Variants in NATD1 observed in about 807,000 individuals in gnomAD.
NATD1 encodes N-acetyltransferase domain containing 1, also known as protein NATD1.
In NATD1, 9 loss-of-function variants were observed where a neutral mutation model predicts 12.0. The observed-to-expected ratio is 0.75, with a 90% CI of 0.45 to 1.30. The LOEUF (loss-of-function observed/expected upper bound fraction) is 1.30, where lower values mean the gene tolerates loss of function less well. Ranked by LOEUF, NATD1 falls within the 50% of genes most tolerant of loss-of-function variation. The pLI is 0.00. For missense variants in NATD1, 148 were observed against 148.5 expected (o/e 1.00, Z 0.02); for synonymous variants, 71 against 65.9 (o/e 1.08, Z -0.37).
chr17:21,250,298 GCT>G (rs988558410), intron 1 of NATD1, among the ~76,000 whole-genome samples: 2 of 152,340 alleles, frequency 1.3e-5, no homozygotes, highest in East Asian at 1.9e-4. Flanking sequence ...CCCTGTTGCA[GCT>G]CTGTTTCTTG....
In NATD1 at chr17:21,253,246, CG is replaced by C; in HGVS notation, c.18del (p.Ala7ProfsTer80). The C allele has an allele frequency of 3.0e-6, 3 of 997,586 alleles. No individual in the cohort carries two copies. The highest frequency in any genetic ancestry group is 3.6e-6 in the Non-Finnish European group (3 of 839,406). The allele number at this position is 997,586 out of a possible 1,614,324, so 61.8% of individuals were successfully genotyped here. MAHSA[A>X]AVPLGALEQG... The stretch of plus-strand genomic sequence containing the variant: ...TGCTCCAGCGCGCCCAGCGGCACGG[CG>C]GCAGCCGAGTGCGCCATCTGCGCGC... On this transcript the variant is annotated frameshift_variant, in exon 1 of 3. Transcript: ENST00000611551. LOFTEE classifies it high-confidence loss of function.
Position 21,244,799 on chromosome 17 carries a change from CCACCAGGCCTGCCAAGCCTGGAGCT to C in NATD1, c.107-600_107-576del, listed in dbSNP as rs1278878864. Among the ~76,000 whole-genome samples, 4 of 152,214 alleles carry C rather than the reference CCACCAGGCCTGCCAAGCCTGGAGCT, an allele frequency of 2.6e-5. No homozygotes were observed. Among genetic ancestry groups the C allele is most frequent in the African/African-American group, 9.6e-5 (4 of 41,456 alleles). On this transcript the variant is annotated intron_variant, in intron 1 of 2. Coordinates refer to ENST00000611551, the MANE Select transcript of NATD1 (RefSeq NM_152914.3). The surrounding 1 kb of genome is among the most constrained non-coding windows in gnomAD (Gnocchi z 5.2). Reference sequence around the variant, plus strand: ...GCAGGAACAAACGGGTTTTCACACTCCACCAGGCCTGCCAAGCCTGGAGCTCACCAGTCCACCCCAAACTGCTGCT... The same window carrying C: ...GCAGGAACAAACGGGTTTTCACACTCCACCAGTCCACCCCAAACTGCTGCT...
chr17:21,249,045 G>T (rs1975352666), intron 1 of NATD1, among the ~76,000 whole-genome samples: 1 of 152,090 alleles, frequency 6.6e-6, no homozygotes, highest in East Asian at 1.9e-4. Flanking sequence ...TGAACCTCGG[G>T]ACCAAAGGGG....
chr17:21,243,332 A>T lies in NATD1; in HGVS notation c.323T>A (p.Leu108Gln). Residue 108 changes from leucine (L) to glutamine (Q), a missense_variant, in exon 3 of 3, where the codon CTG (leucine) becomes CAG (glutamine). Leu to Gln is a moderately radical substitution (Grantham distance 113). Transcript: ENST00000611551. Reference sequence around the variant, plus strand: ...CCAGGGTTACGGCTGCAGGCGCTCCAGGTACTGCGGCAGGGGGTTCTCCTT... The same window carrying T: ...CCAGGGTTACGGCTGCAGGCGCTCCTGGTACTGCGGCAGGGGGTTCTCCTT... ...YVKENPLPQY[L>Q]ERLQP 6.2e-7 allele frequency: 1 copy of T among 1,612,808 alleles called. No individual in the cohort carries two copies.
At chr17:21,251,870 GAAAATGGGCACAGTGGCC>G (rs1382500513) in intron 1 of NATD1, among the ~76,000 whole-genome samples, 2 of 152,146 alleles carry the variant, frequency 1.3e-5, no homozygotes, top group East Asian at 3.9e-4. Context: ...TTCCCTTCTT[GAAAATGGGCACAGTGGCC>G]CCTAAGGACC....
chr17:21,248,087 T>C (rs1181541896), intron 1 of NATD1, among the ~76,000 whole-genome samples: 3 of 151,882 alleles, frequency 2.0e-5, no homozygotes, highest in African/African-American at 7.3e-5. Flanking sequence ...AAGACCGAGT[T>C]TAAATGGACA....
rs1975239951 is a variant in NATD1 at position 21,239,168 on chromosome 17, C to G, written c.*4145G>C. 1 of 152,272 alleles carries G rather than the reference C, an allele frequency of 6.6e-6. No homozygotes were observed. The highest frequency in any genetic ancestry group is 1.5e-5 in the Non-Finnish European group (1 of 68,076). 9.4% of individuals were successfully genotyped at this position (152,272 alleles called of 1,614,324 possible). On this transcript the variant is annotated 3_prime_UTR_variant, in exon 3 of 3. Coordinates refer to ENST00000611551, the MANE Select transcript of NATD1 (RefSeq NM_152914.3). ...ATTCCTGCCTGCAACCCCAGCTTCACAGGCAATTCAGCCTTCTCCACACTG... is the reference window on the plus strand; with the variant it reads ...ATTCCTGCCTGCAACCCCAGCTTCAGAGGCAATTCAGCCTTCTCCACACTG...
At chr17:21,246,525 GA>G (rs71160130) in intron 1 of NATD1, among the ~76,000 whole-genome samples, 3,382 of 108,242 alleles carry the variant, frequency 0.031, 121 homozygotes, top group African/African-American at 0.1. Flanking sequence ...AAAAAAAAAA[GA>G]AAAAAAAAAA....
rs147750329 is a variant in NATD1 at position 21,241,900 on chromosome 17, C to T, written c.*1413G>A. On this transcript the variant is annotated 3_prime_UTR_variant, in exon 3 of 3. Transcript: ENST00000611551. ...GCAAGGAGGTGAGTGGGAAATGCAA[C>T]CACAGGCCAGCCAGCGCCCGTGCAT... 2.0e-5 allele frequency: 3 copies of T among 152,554 alleles called. No homozygotes were observed. Among genetic ancestry groups the T allele is most frequent in the African/African-American group, 7.2e-5 (3 of 41,382 alleles). 9.5% of individuals were successfully genotyped at this position (152,554 alleles called of 1,614,324 possible). A position where few individuals can be genotyped will look rare whatever the true frequency, so the allele number is the denominator to read the frequency against.
In NATD1 at chr17:21,243,078, C is replaced by A. The variant is rs1975291518; in HGVS notation, c.*235G>T. 8.1e-6 allele frequency: 4 copies of A among 490,920 alleles called. No homozygotes were observed. Among genetic ancestry groups the A allele is most frequent in the Non-Finnish European group, 1.5e-5 (4 of 269,526 alleles). The allele number at this position is 490,920 out of a possible 1,614,324, so 30.4% of individuals were successfully genotyped here. ...AGGCCTCCCACGAAGCCGCTGGTCT[C>A]TGCAGAGTGAGAGGTGCCGGGACTA... is the stretch of plus-strand genomic sequence containing the variant. On this transcript the variant is annotated 3_prime_UTR_variant, in exon 3 of 3. Transcript: ENST00000611551.
intron 1 of NATD1, among the ~76,000 whole-genome samples, chr17:21,251,526 G>C (rs1028175940): frequency 6.6e-5 from 10 of 152,312 alleles, no homozygotes; most frequent in African/African-American, 2.4e-4. Flanking sequence ...TGTAGGGTTG[G>C]TTGGGCCAAT....
intron 1 of NATD1, among the ~76,000 whole-genome samples, chr17:21,250,931 C>T (rs975162946): frequency 6.6e-6 from 1 of 152,184 alleles, no homozygotes; most frequent in Non-Finnish European, 1.5e-5. Context: ...TCCAGGCTTG[C>T]CTTACAGGTC....
At chr17:21,248,175 C>T (rs1055874011) in intron 1 of NATD1, among the ~76,000 whole-genome samples, 24 of 152,124 alleles carry the variant, frequency 1.6e-4, no homozygotes, top group African/African-American at 2.4e-5. Context: ...AGCATCTGGC[C>T]AGGACCTGAA....
intron 2 of NATD1, among the ~76,000 whole-genome samples, chr17:21,243,642 C>T (rs1051906415): frequency 6.6e-6 from 1 of 152,162 alleles, no homozygotes; most frequent in African/African-American, 2.4e-5. Context: ...TACAAGCCCC[C>T]TTGCCCCAGG....
rs143685607 is a variant in NATD1, at chr17:21,243,618, CAT to C, written c.226-191_226-190del. On this transcript the variant is annotated intron_variant, in intron 2 of 2. Transcript: ENST00000611551. ...TGGTCCGGTACACAAGGAAAAAACACATCACCTCTCCCCTACAAGCCCCCTTG... is the reference window on the plus strand; with the variant it reads ...TGGTCCGGTACACAAGGAAAAAACACCACCTCTCCCCTACAAGCCCCCTTG... Among the ~76,000 whole-genome samples the C allele has an allele frequency of 6.3e-3, 955 of 152,290 alleles. 12 individuals carry two copies. The highest frequency in any genetic ancestry group is 0.022 in the African/African-American group (913 of 41,566).
chr17:21,238,909 CG>C lies in NATD1; in HGVS notation c.*4403del, dbSNP rs1355708748. On this transcript the variant is annotated 3_prime_UTR_variant, in exon 3 of 3. Coordinates refer to ENST00000611551, the MANE Select transcript of NATD1 (RefSeq NM_152914.3). ...AAGAATCTCTTTAATATCTTGTAGC[CG>C]TAAGACTGATACAACTGAAAACATA... 1 of 152,018 alleles carries C rather than the reference CG, an allele frequency of 6.6e-6. No homozygotes were observed. The highest frequency in any genetic ancestry group is 2.4e-5 in the African/African-American group (1 of 41,370). 9.4% of individuals were successfully genotyped at this position (152,018 alleles called of 1,614,324 possible). A position where few individuals can be genotyped will look rare whatever the true frequency, so the allele number is the denominator to read the frequency against.
At chr17:21,251,126 C>T (rs1398228487) in intron 1 of NATD1, among the ~76,000 whole-genome samples, 1 of 152,070 alleles carries the variant, frequency 6.6e-6, no homozygotes, top group East Asian at 1.9e-4. Context: ...TCTTTCTCCC[C>T]TGGGCTTGGC....
At chr17:21,249,191 C>G (rs1482770161) in intron 1 of NATD1, among the ~76,000 whole-genome samples, 4 of 152,102 alleles carry the variant, frequency 2.6e-5, no homozygotes. Flanking sequence ...CCCACACTGA[C>G]CCCGCAAGGA....
intron 1 of NATD1, among the ~76,000 whole-genome samples, chr17:21,251,007 C>T (rs949514279): frequency 3.9e-5 from 6 of 152,194 alleles, no homozygotes; most frequent in African/African-American, 1.2e-4. Flanking sequence ...CTCAGACGAC[C>T]CCTCTCTGGT....
Sources: gnomAD v4.1 joint callset for allele counts (sites outside exome capture counted in the v4.1 genomes callset) on GRCh38, gnomAD v4.1.1 for gene constraint, Gnocchi (gnomAD v3.1) non-coding constraint, MANE v1.5 for transcripts, NCBI Gene and HGNC (gene_info 2026-07-23, HGNC 2026-07-21) for gene names.